The following SMAD6 variants were observed in gnomAD, a reference collection of about 807,000 sequenced individuals.
SMAD6 encodes SMAD family member 6, also known as MAD homolog 6.
SMAD6 carries 103 observed loss-of-function variants against 39.4 expected under a neutral mutation model. That is an observed-to-expected ratio of 2.62 (90% CI 2.23 to 3.08). The LOEUF is 3.08. Ranked by LOEUF, SMAD6 falls within the 30% of genes most tolerant of loss-of-function variation. The pLI is 0.00. For missense variants in SMAD6, 1,104 were observed against 742.9 expected, an observed-to-expected ratio of 1.49 and a Z score of -5.65; for synonymous variants, 445 against 353.3, an observed-to-expected ratio of 1.26 and a Z score of -2.91.
rs1215369851 is a variant in SMAD6 at position 66,702,556 on chromosome 15, A to G, written c.-703A>G. ...TAAGGATTCCCAGCAGCTCTTTGGG[A>G]TTTTTACAGCTTCCACTCATGTGTT... On this transcript the variant is annotated 5_prime_UTR_variant, in exon 1 of 4. Transcript: ENST00000288840. 6.6e-6 allele frequency: 1 copy of G among 152,430 alleles called. No homozygotes were observed. The highest frequency in any genetic ancestry group is 1.9e-4 in the East Asian group (1 of 5,168). 9.4% of individuals were successfully genotyped at this position (152,430 alleles called of 1,614,324 possible).
At position 66,703,704 on chromosome 15, in the gene SMAD6, C is replaced by A; in HGVS notation, c.446C>A (p.Ala149Asp). The part of the protein sequence containing the change: ...RDASDPLAGA[A>D]LEPAGGGRSR... The stretch of plus-strand genomic sequence containing the variant: ...GCCAGCGACCCCCTGGCCGGGGCGG[C>A]CCTGGAGCCGGCGGGCGGCGGGCGG... Residue 149 changes from alanine to aspartate, a missense_variant, in exon 1 of 4, where the codon GCC becomes GAC. Ala to Asp is a moderately radical substitution (Grantham distance 126). Transcript: ENST00000288840. 7 of 1,340,918 alleles carry A rather than the reference C, an allele frequency of 5.2e-6. No individual in the cohort carries two copies. Among genetic ancestry groups the A allele is most frequent in the Non-Finnish European group, 6.8e-6 (7 of 1,032,928 alleles). 83.1% of individuals were successfully genotyped at this position (1,340,918 alleles called of 1,614,324 possible). A position where few individuals can be genotyped will look rare whatever the true frequency, so the allele number is the denominator to read the frequency against.
chr15:66,775,867 C>G (rs185322805), intron 3 of SMAD6, among the ~76,000 whole-genome samples: 1 of 152,306 alleles, frequency 6.6e-6, no homozygotes, highest in East Asian at 1.9e-4. Flanking sequence ...GAGACTGTCC[C>G]CTCACCTGAG....
At chr15:66,732,183 G>A (rs1007393889) in intron 3 of SMAD6, among the ~76,000 whole-genome samples, 2 of 152,122 alleles carry the variant, frequency 1.3e-5, no homozygotes, top group Admixed American at 6.5e-5. Flanking sequence ...GGTTTCAAGC[G>A]ATCTGCCCAC....
chr15:66,710,123 T>G (rs1893199134), intron 1 of SMAD6, among the ~76,000 whole-genome samples: 1 of 152,218 alleles, frequency 6.6e-6, no homozygotes. Context: ...CCACCATGAC[T>G]GGCTCGGGGA....
chr15:66,743,593 G>A (rs1044367516), intron 3 of SMAD6, among the ~76,000 whole-genome samples: 12 of 150,860 alleles, frequency 8.0e-5, no homozygotes, highest in Non-Finnish European at 1.3e-4. Context: ...TTTTTAAAAA[G>A]CAGTACGTGA....
At chr15:66,728,878 T>G (rs1893571197) in intron 3 of SMAD6, among the ~76,000 whole-genome samples, 1 of 152,216 alleles carries the variant, frequency 6.6e-6, no homozygotes, top group Non-Finnish European at 1.5e-5. Context: ...AATCAATACC[T>G]TATACCAGCC....
chr15:66,766,154 G>A (rs1027968415), intron 3 of SMAD6, among the ~76,000 whole-genome samples: 4 of 152,188 alleles, frequency 2.6e-5, no homozygotes, highest in African/African-American at 9.7e-5. Context: ...GAATGCAGAC[G>A]CTGGCAGCCT....
rs575369338 is a variant in SMAD6, at chr15:66,736,714, C to T, written c.952+20216C>T. On this transcript the variant is annotated intron_variant, in intron 3 of 3. Coordinates refer to ENST00000288840, the MANE Select transcript of SMAD6 (RefSeq NM_005585.5). Reference sequence around the variant, plus strand: ...ATGGAATCTCGCTCTGGCACCAGAGCGGAGTGTAGTGGTGTGATCTTGGCT... The same window carrying T: ...ATGGAATCTCGCTCTGGCACCAGAGTGGAGTGTAGTGGTGTGATCTTGGCT... Among the ~76,000 whole-genome samples, 11 of 151,680 alleles carry T rather than the reference C, an allele frequency of 7.3e-5. No individual in the cohort carries two copies. In the East Asian group the frequency reaches 7.8e-4, roughly 11 times the overall value.
intron 3 of SMAD6, among the ~76,000 whole-genome samples, chr15:66,746,384 A>G (rs1393349910): frequency 1.3e-5 from 2 of 151,840 alleles, no homozygotes; most frequent in Non-Finnish European, 2.9e-5. Context: ...AAAGGTCTGG[A>G]AGTTAAAGGT....
In SMAD6 at chr15:66,712,542, TGTGGTACACATGCTCCCGA is replaced by T. The variant is rs1265560178; in HGVS notation, c.874+821_874+839del. On this transcript the variant is annotated intron_variant, in intron 2 of 3. Coordinates refer to ENST00000288840, the MANE Select transcript of SMAD6 (RefSeq NM_005585.5). ...AAAAATACAAAAATTAGCCGGGTGTTGTGGTACACATGCTCCCGAGTAGCTATAATTCCAGCTACTCAGG... is the reference window on the plus strand; with the variant it reads ...AAAAATACAAAAATTAGCCGGGTGTTGTAGCTATAATTCCAGCTACTCAGG... Among the ~76,000 whole-genome samples, 3 of 152,144 alleles carry T rather than the reference TGTGGTACACATGCTCCCGA, an allele frequency of 2.0e-5. No individual in the cohort carries two copies. The East Asian group carries it at 5.8e-4, about 29-fold the overall frequency.
At chr15:66,757,287 T>C (rs1202350446) in intron 3 of SMAD6, among the ~76,000 whole-genome samples, 1 of 152,168 alleles carries the variant, frequency 6.6e-6, no homozygotes, top group Non-Finnish European at 1.5e-5. Flanking sequence ...CGTCTCCCTC[T>C]GAAGGAGTGA....
intron 3 of SMAD6, among the ~76,000 whole-genome samples, chr15:66,749,471 C>T (rs1893962431): frequency 6.6e-6 from 1 of 151,970 alleles, no homozygotes; most frequent in African/African-American, 2.4e-5. Context: ...AAGAAACAAA[C>T]AAACAAAAAT....
intron 2 of SMAD6, among the ~76,000 whole-genome samples, chr15:66,713,477 G>A (rs139751822): frequency 4.6e-5 from 7 of 152,088 alleles, no homozygotes; most frequent in Non-Finnish European, 8.8e-5. Flanking sequence ...GCGCCACCAC[G>A]CCTGGCTAAT....
Position 66,703,234 on chromosome 15 carries a change from C to G in SMAD6, c.-25C>G, listed in dbSNP as rs776151817. ...CGGTAACCGGAGACCGCCTCCCCCCCACCCCTGGCGCCAAAGGATATCGTA... is the reference window on the plus strand; with the variant it reads ...CGGTAACCGGAGACCGCCTCCCCCCGACCCCTGGCGCCAAAGGATATCGTA... On this transcript the variant is annotated 5_prime_UTR_variant, in exon 1 of 4. Transcript: ENST00000288840. 1.6e-5 allele frequency: 22 copies of G among 1,366,666 alleles called. No homozygotes were observed. The highest frequency in any genetic ancestry group is 1.4e-4 in the African/African-American group (9 of 65,454). 84.7% of individuals were successfully genotyped at this position (1,366,666 alleles called of 1,614,324 possible).
chr15:66,772,853 G>A (rs1371974732), intron 3 of SMAD6, among the ~76,000 whole-genome samples: 1 of 152,168 alleles, frequency 6.6e-6, no homozygotes, highest in Non-Finnish European at 1.5e-5. Flanking sequence ...CAGCTGTGTC[G>A]CTCATTTCCA....
At chr15:66,774,725 A>G (rs943579602) in intron 3 of SMAD6, among the ~76,000 whole-genome samples, 4 of 152,186 alleles carry the variant, frequency 2.6e-5, no homozygotes, top group Non-Finnish European at 5.9e-5. Context: ...ACAGATGCCC[A>G]AGTTCCCATG....
In SMAD6 at chr15:66,781,636, A is replaced by C. The variant is rs1595805750; in HGVS notation, c.*101A>C. The C allele has an allele frequency of 2.8e-6, 2 of 709,620 alleles. No homozygotes were observed. The highest frequency in any genetic ancestry group is 3.0e-5 in the East Asian group (1 of 33,656). The allele number at this position is 709,620 out of a possible 1,614,324, so 44.0% of individuals were successfully genotyped here. ...CAGAGACACAGCCCCCACGGACAAA[A>C]CCCCCCAGATATCATCTACCTAGAT... is the stretch of plus-strand genomic sequence containing the variant. On this transcript the variant is annotated 3_prime_UTR_variant, in exon 4 of 4. Coordinates refer to ENST00000288840, the MANE Select transcript of SMAD6 (RefSeq NM_005585.5).
intron 3 of SMAD6, among the ~76,000 whole-genome samples, chr15:66,750,568 G>C (rs927057476): frequency 6.6e-6 from 1 of 152,180 alleles, no homozygotes; most frequent in African/African-American, 2.4e-5. Context: ...TTGGTGCCAA[G>C]GGGCAGTTTT....
intron 3 of SMAD6, among the ~76,000 whole-genome samples, chr15:66,734,430 G>A (rs1893680099): frequency 6.6e-6 from 1 of 152,186 alleles, no homozygotes; most frequent in Admixed American, 6.5e-5. Flanking sequence ...AAACTGAAGG[G>A]GGAACAGAGC....
Sources: gnomAD v4.1 joint callset for allele counts (sites outside exome capture counted in the v4.1 genomes callset) on GRCh38, gnomAD v4.1.1 for gene constraint, MANE v1.5 for transcripts, NCBI Gene and HGNC (gene_info 2026-07-23, HGNC 2026-07-21) for gene names.